Variants in MTUS2 observed in about 807,000 individuals in gnomAD.
MTUS2 encodes the protein microtubule associated scaffold protein 2.
A neutral mutation model predicts 114.1 loss-of-function variants in MTUS2; 40 were observed. That is an observed-to-expected ratio of 0.35 (90% CI 0.27 to 0.46). The LOEUF is 0.46. Among genes scored for constraint, MTUS2 ranks in the 20% least tolerant of loss-of-function variants. The probability of loss-of-function intolerance (pLI) is 1.00; values close to 1 mark genes in which losing one functional copy is unlikely to be tolerated. For missense variants in MTUS2, 1,679 were observed against 1,705.4 expected, an observed-to-expected ratio of 0.98 and a Z score of 0.27; for synonymous variants, 688 against 672.0, an observed-to-expected ratio of 1.02 and a Z score of -0.37.
In MTUS2 at chr13:29,227,477, T is replaced by G. The variant is rs535261364; in HGVS notation, c.2645-54227T>G. Among the ~76,000 whole-genome samples, 4 of 152,304 alleles carry G rather than the reference T, an allele frequency of 2.6e-5. No individual in the cohort carries two copies. The East Asian group carries it at 5.8e-4, about 22-fold the overall frequency. On this transcript the variant is annotated intron_variant, in intron 5 of 15. Coordinates refer to ENST00000612955, the MANE Select transcript of MTUS2 (RefSeq NM_001033602.4). ...AGCTGCACCAAGTGACCTGAGCCCT[T>G]TGGCTTCTCTTCCTGCCAGAGAAGA... is the stretch of plus-strand genomic sequence containing the variant.
chr13:29,167,403 T>C (rs1893362759), intron 5 of MTUS2, among the ~76,000 whole-genome samples: 1 of 129,612 alleles, frequency 7.7e-6, no homozygotes, highest in Non-Finnish European at 1.6e-5. Context: ...TTTCTAATAA[T>C]GTAACCACTT....
intron 2 of MTUS2, among the ~76,000 whole-genome samples, chr13:28,853,255 T>A (rs1876410284): frequency 6.6e-6 from 1 of 152,228 alleles, no homozygotes; most frequent in Non-Finnish European, 1.5e-5. Context: ...CCACTGATGA[T>A]ATATTTGTTA....
At chr13:29,353,812 A>G (rs1382597227) in intron 7 of MTUS2, among the ~76,000 whole-genome samples, 3 of 152,198 alleles carry the variant, frequency 2.0e-5, no homozygotes, top group African/African-American at 7.2e-5. Flanking sequence ...TGCTGAGAAC[A>G]GGAATTATTT....
At chr13:29,090,389 C>A (rs912048426) in intron 4 of MTUS2, among the ~76,000 whole-genome samples, 7 of 152,042 alleles carry the variant, frequency 4.6e-5, no homozygotes, top group African/African-American at 1.7e-4. Context: ...TAGTGGAGTG[C>A]CTGTGGGAGA....
chr13:29,056,091 G>C (rs984886238), intron 4 of MTUS2, among the ~76,000 whole-genome samples: 4 of 151,878 alleles, frequency 2.6e-5, no homozygotes, highest in African/African-American at 4.8e-5. Context: ...TTTTGTTTTT[G>C]TTGCAATTGC....
chr13:29,289,162 A>C (rs1898606682), intron 6 of MTUS2, among the ~76,000 whole-genome samples: 1 of 152,214 alleles, frequency 6.6e-6, no homozygotes, highest in Non-Finnish European at 1.5e-5. Context: ...GAAGCATGTG[A>C]TATAAACTGT....
At chr13:29,093,095 G>T (rs1890035083) in intron 4 of MTUS2, among the ~76,000 whole-genome samples, 1 of 152,132 alleles carries the variant, frequency 6.6e-6, no homozygotes, top group African/African-American at 2.4e-5. Flanking sequence ...AAGGAGTGGG[G>T]ATTGAGGCTA....
intron 5 of MTUS2, among the ~76,000 whole-genome samples, chr13:29,212,221 G>C (rs1383424988): frequency 4.6e-5 from 7 of 151,976 alleles, no homozygotes; most frequent in African/African-American, 1.7e-4. Context: ...GAAGTGTATT[G>C]TTTAGTTTGC....
intron 7 of MTUS2, among the ~76,000 whole-genome samples, chr13:29,345,669 TC>T (rs1286037388): frequency 6.6e-6 from 1 of 152,104 alleles, no homozygotes; most frequent in Non-Finnish European, 1.5e-5. Context: ...AGAGATTTCT[TC>T]TTGGTTTGGC....
intron 5 of MTUS2, among the ~76,000 whole-genome samples, chr13:29,116,433 A>G (rs143797585): frequency 1.3e-3 from 193 of 152,246 alleles, no homozygotes; most frequent in African/African-American, 3.2e-3. Context: ...ATGTACATCA[A>G]TTCTTCCTTA....
intron 4 of MTUS2, among the ~76,000 whole-genome samples, chr13:29,096,549 C>A (rs1022444708): frequency 6.6e-6 from 1 of 152,230 alleles, no homozygotes; most frequent in Non-Finnish European, 1.5e-5. Context: ...TATTTTGCTT[C>A]ATGGAGCTAC....
intron 2 of MTUS2, among the ~76,000 whole-genome samples, chr13:28,938,393 A>G (rs886890136): frequency 6.6e-6 from 1 of 151,828 alleles, no homozygotes; most frequent in Admixed American, 6.6e-5. Context: ...AAAAAAAAAA[A>G]TAGTCTTTTT....
chr13:29,020,480 T>C (rs1309317911), intron 2 of MTUS2, among the ~76,000 whole-genome samples: 1 of 152,164 alleles, frequency 6.6e-6, no homozygotes, highest in Non-Finnish European at 1.5e-5. Context: ...GCCGCTGTCT[T>C]ATGGCAGGAT....
intron 7 of MTUS2, among the ~76,000 whole-genome samples, chr13:29,344,972 C>T (rs1268575268): frequency 1.1e-4 from 16 of 152,152 alleles, no homozygotes; most frequent in Non-Finnish European, 2.1e-4. Context: ...TTTAAGGAGG[C>T]TAAAGGTAGG....
chr13:29,243,611 T>G (rs1314286036), intron 5 of MTUS2, among the ~76,000 whole-genome samples: 1 of 152,218 alleles, frequency 6.6e-6, no homozygotes, highest in East Asian at 1.9e-4. Context: ...GATTTTCTTT[T>G]CAATATGACA....
intron 4 of MTUS2, among the ~76,000 whole-genome samples, chr13:29,050,336 A>G (rs1006909497): frequency 6.6e-6 from 1 of 152,104 alleles, no homozygotes; most frequent in African/African-American, 2.4e-5. Context: ...GCATGGACTC[A>G]TCTCAACAGA....
intron 2 of MTUS2, among the ~76,000 whole-genome samples, chr13:28,935,012 T>TTTTTTTTTTTG (rs1566234394): frequency 7.0e-6 from 1 of 141,856 alleles, no homozygotes; most frequent in African/African-American, 2.8e-5. Context: ...TAGCGTTTTT[T>TTTTTTTTTTTG]TTTTTTTTTT....
intron 2 of MTUS2, among the ~76,000 whole-genome samples, chr13:28,985,958 A>G (rs575570080): frequency 3.9e-5 from 6 of 152,172 alleles, no homozygotes; most frequent in Non-Finnish European, 8.8e-5. Flanking sequence ...GCCAGCTTTC[A>G]TAATTGTGCG....
At chr13:28,937,644 G>A (rs1881981144) in intron 2 of MTUS2, among the ~76,000 whole-genome samples, 1 of 152,154 alleles carries the variant, frequency 6.6e-6, no homozygotes, top group Non-Finnish European at 1.5e-5. Flanking sequence ...CTAGCTCTCT[G>A]TCATGGCTGT....
Sources: allele counts gnomAD v4.1 joint callset (sites outside exome capture counted in the v4.1 genomes callset), GRCh38; gene constraint gnomAD v4.1.1; transcripts MANE v1.5; gene names NCBI Gene and HGNC (gene_info 2026-07-23, HGNC 2026-07-21).